Variants in FIBCD1 observed in about 807,000 individuals in gnomAD.
The protein encoded by FIBCD1 is fibrinogen C domain-containing protein 1.
A neutral mutation model predicts 45.1 loss-of-function variants in FIBCD1; 47 were observed. That is an observed-to-expected ratio of 1.04 (90% CI 0.82 to 1.33). The LOEUF is 1.33. Among genes scored for constraint, FIBCD1 ranks in the 40% most tolerant of loss-of-function variants. The pLI is 0.00. For missense variants in FIBCD1, 653 were observed against 682.2 expected, an observed-to-expected ratio of 0.96 and a Z score of 0.48; for synonymous variants, 313 against 308.1, an observed-to-expected ratio of 1.02 and a Z score of -0.17.
At chr9:130,907,297 G>A (rs1010047144) in intron 5 of FIBCD1, among the ~76,000 whole-genome samples, 1 of 152,122 alleles carries the variant, frequency 6.6e-6, no homozygotes, top group Non-Finnish European at 1.5e-5. Flanking sequence ...GGTCCTCTCC[G>A]TCCTTCCTCC....
At chr9:130,924,148 T>C (rs1210375027) in intron 3 of FIBCD1, 89 bp downstream of exon 3, 9 of 1,443,202 alleles carry the variant, frequency 6.2e-6, no homozygotes, top group Non-Finnish European at 8.2e-6. Context: ...CCCTGGAGTC[T>C]CATGGCTGGG....
Position 130,904,062 on chromosome 9 carries a change from G to C in FIBCD1, c.*2C>G, listed in dbSNP as rs1831880936. 1 of 1,611,706 alleles carries C rather than the reference G, an allele frequency of 6.2e-7. No homozygotes were observed. The highest frequency in any genetic ancestry group is 1.1e-5 in the South Asian group (1 of 90,864). ...GCAGGGCCAAGGACAAGGTGCACCAGTCTAGCGGTCCTCCCGGACCGGCCG... is the reference window on the plus strand; with the variant it reads ...GCAGGGCCAAGGACAAGGTGCACCACTCTAGCGGTCCTCCCGGACCGGCCG... On this transcript the variant is annotated 3_prime_UTR_variant, in exon 7 of 7. Coordinates refer to ENST00000372338, the MANE Select transcript of FIBCD1 (RefSeq NM_032843.5).
At chr9:130,921,131 G>A (rs944930565) in intron 4 of FIBCD1, among the ~76,000 whole-genome samples, 1 of 152,198 alleles carries the variant, frequency 6.6e-6, no homozygotes, top group Non-Finnish European at 1.5e-5. Flanking sequence ...TTGCACCCTT[G>A]CCCACACAGG....
At chr9:130,938,481 AGCG>A (rs1329049787) in intron 1 of FIBCD1, 52 bp downstream of exon 1, 4 of 1,398,114 alleles carry the variant, frequency 2.9e-6, no homozygotes, top group Non-Finnish European at 3.7e-6. Flanking sequence ...CGCCGGCCCG[AGCG>A]GCCACCGCCT....
chr9:130,936,972 G>GGGGT lies in FIBCD1; in HGVS notation c.72+1563_72+1564insACCC, dbSNP rs1832528404. Reference sequence around the variant, plus strand: ...TATGTAGGGTGTCCCTGAGTGAAGGGGTGTGTGTGTGTGTGTGTGTGTTTG... The same window carrying GGGGT: ...TATGTAGGGTGTCCCTGAGTGAAGGGGGGTGTGTGTGTGTGTGTGTGTGTGTTTG... On this transcript the variant is annotated intron_variant, in intron 1 of 6. Transcript: ENST00000372338. Among the ~76,000 whole-genome samples the GGGGT allele has an allele frequency of 4.6e-5, 7 of 150,560 alleles. 1 individual carries two copies. The highest frequency in any genetic ancestry group is 6.6e-5 in the Admixed American group (1 of 15,144).
chr9:130,916,736 A>T (rs575127951), intron 4 of FIBCD1, among the ~76,000 whole-genome samples: 25 of 152,344 alleles, frequency 1.6e-4, no homozygotes, highest in African/African-American at 5.8e-4. Flanking sequence ...GAAGTAAGGA[A>T]AGGATCCAGG....
chr9:130,930,773 C>A (rs1305873809), intron 1 of FIBCD1: 1 of 456,030 alleles, frequency 2.2e-6, no homozygotes, highest in Non-Finnish European at 4.4e-6. Context: ...GGGGCCTCAC[C>A]TCTCTGAGCC....
At position 130,903,808 on chromosome 9, in the gene FIBCD1, G is replaced by T. The variant is rs1343721575; in HGVS notation, c.*256C>A. 6 of 585,456 alleles carry T rather than the reference G, an allele frequency of 1.0e-5. No individual in the cohort carries two copies. Among genetic ancestry groups the T allele is most frequent in the Non-Finnish European group, 1.9e-5 (6 of 318,586 alleles). 36.3% of individuals were successfully genotyped at this position (585,456 alleles called of 1,614,324 possible). On this transcript the variant is annotated 3_prime_UTR_variant, in exon 7 of 7. Coordinates refer to ENST00000372338, the MANE Select transcript of FIBCD1 (RefSeq NM_032843.5). ...CACAGTGGGGGCAGGCAGGAGTTGGGGTCGTCAAGTTTGCCAGCCCCCATC... is the reference window on the plus strand; with the variant it reads ...CACAGTGGGGGCAGGCAGGAGTTGGTGTCGTCAAGTTTGCCAGCCCCCATC...
chr9:130,925,081 C>T (rs971198508), intron 2 of FIBCD1, among the ~76,000 whole-genome samples: 2 of 152,162 alleles, frequency 1.3e-5, no homozygotes, highest in Admixed American at 6.5e-5. Flanking sequence ...GGAGCCTTTG[C>T]GCAGCCCCTC....
At chr9:130,913,848 G>A (rs1442899279) in intron 4 of FIBCD1, among the ~76,000 whole-genome samples, 1 of 152,194 alleles carries the variant, frequency 6.6e-6, no homozygotes. Flanking sequence ...TGGGATGCCT[G>A]GCTGGCATTG....
At chr9:130,924,164 C>T (rs1253084129) in intron 3 of FIBCD1, 73 bp downstream of exon 3, 39 of 1,464,566 alleles carry the variant, frequency 2.7e-5, no homozygotes, top group Non-Finnish European at 3.3e-5. Context: ...CTGGGGAACC[C>T]TCACCCCAAC....
intron 1 of FIBCD1, among the ~76,000 whole-genome samples, chr9:130,930,316 AGGGAGAGACG>A (rs1832426435): frequency 6.6e-6 from 1 of 151,642 alleles, no homozygotes. Flanking sequence ...GTGGAGACAT[AGGGAGAGACG>A]GGGAGACGCG....
chr9:130,904,624 C>G (rs767276717), intron 6 of FIBCD1, among the ~76,000 whole-genome samples: 2 of 151,316 alleles, frequency 1.3e-5, no homozygotes, highest in African/African-American at 2.4e-5. Context: ...CCTGCCTCCC[C>G]GCTCCTCGGC....
At chr9:130,905,564 C>A (rs545439880) in intron 5 of FIBCD1, 151 bp from the exon 6 acceptor site, 464 of 789,248 alleles carry the variant, frequency 5.9e-4, no homozygotes, top group Non-Finnish European at 8.0e-4. Context: ...CTACTTCCTT[C>A]TTCCTGCAGG....
In FIBCD1 at chr9:130,924,229, C is replaced by T; in HGVS notation, c.712+8G>A. ...GCACCGGAGGAAGGCAGGCCCTGCC[C>T]CACTCACCAGTGGCACAGCCCCGGG... On this transcript the variant is annotated splice_region_variant and intron_variant, in intron 3 of 6. Coordinates refer to ENST00000372338, the MANE Select transcript of FIBCD1 (RefSeq NM_032843.5). The T allele has an allele frequency of 1.9e-6, 3 of 1,580,606 alleles. No homozygotes were observed. The highest frequency in any genetic ancestry group is 1.3e-5 in the African/African-American group (1 of 74,484).
chr9:130,912,602 G>A (rs1432280949), intron 4 of FIBCD1, among the ~76,000 whole-genome samples: 1 of 151,988 alleles, frequency 6.6e-6, no homozygotes, highest in Non-Finnish European at 1.5e-5. Flanking sequence ...AGCTACTGGG[G>A]AGGCTGAGGC....
At chr9:130,920,332 A>G (rs1040626683) in intron 4 of FIBCD1, among the ~76,000 whole-genome samples, 5 of 152,158 alleles carry the variant, frequency 3.3e-5, no homozygotes, top group African/African-American at 9.7e-5. Flanking sequence ...CCCAGGGCTC[A>G]GCACTGACTC....
At chr9:130,923,986 G>C in intron 3 of FIBCD1, 106 bp from the exon 4 acceptor site, 1 of 1,539,540 alleles carries the variant, frequency 6.5e-7, no homozygotes, top group Non-Finnish European at 8.8e-7. Flanking sequence ...GTCCCATGGG[G>C]TTGAGAGAGC....
At position 130,929,652 on chromosome 9, in the gene FIBCD1, G is replaced by A. The variant is rs567250800; in HGVS notation, c.467C>T (p.Thr156Met). ...RLLARASELQ[T>M]ECMGLRKGHG... ...CCCCTTCCGCAGCCCCATGCACTCC[G>A]TCTGCAGCTCTGAGGCTCGGGCCAG... Residue 156 changes from threonine to methionine, a missense_variant, in exon 2 of 7, where the codon ACG becomes ATG. Physicochemically the swap from Thr to Met is moderately conservative, Grantham distance 81. Coordinates refer to ENST00000372338, the MANE Select transcript of FIBCD1 (RefSeq NM_032843.5). 5.6e-6 allele frequency: 9 copies of A among 1,596,904 alleles called. No homozygotes were observed. Among genetic ancestry groups the A allele is most frequent in the East Asian group, 2.2e-5 (1 of 44,698 alleles).
Sources: gnomAD v4.1 joint callset for allele counts (sites outside exome capture counted in the v4.1 genomes callset) on GRCh38, gnomAD v4.1.1 for gene constraint, MANE v1.5 for transcripts, NCBI Gene and HGNC (gene_info 2026-07-23, HGNC 2026-07-21) for gene names.